Variants in TBC1D16 observed in about 807,000 individuals in gnomAD.
TBC1D16 encodes CTD-2529O21.1.
A neutral mutation model predicts 74.7 loss-of-function variants in TBC1D16; 58 were observed. The observed-to-expected ratio is 0.78, with a 90% CI of 0.63 to 0.97. The LOEUF (loss-of-function observed/expected upper bound fraction) is 0.97. TBC1D16 is among the 50% of genes least tolerant of loss of function. The pLI, the probability that TBC1D16 is intolerant of heterozygous loss-of-function variation, is 0.00. For synonymous variants in TBC1D16, 493 were observed against 474.7 expected, an observed-to-expected ratio of 1.04 and a Z score of -0.50; for missense variants, 1,014 against 1,079.5, an observed-to-expected ratio of 0.94 and a Z score of 0.85.
intron 3 of TBC1D16, among the ~76,000 whole-genome samples, chr17:79,984,199 C>G (rs1437906565): frequency 6.6e-6 from 1 of 152,128 alleles, no homozygotes; most frequent in African/African-American, 2.4e-5. Context: ...TTTTTCAATA[C>G]TTTTTTGTAA....
chr17:79,984,183 A>C (rs990262081), intron 3 of TBC1D16, among the ~76,000 whole-genome samples: 7 of 152,160 alleles, frequency 4.6e-5, no homozygotes, highest in African/African-American at 1.7e-4. Context: ...CAGCACGCCC[A>C]GCCAATTTTT....
At position 79,994,704 on chromosome 17, in the gene TBC1D16, G is replaced by A. The variant is rs1054691191; in HGVS notation, c.779+15456C>T. Among the ~76,000 whole-genome samples, 5 of 152,132 alleles carry A rather than the reference G, an allele frequency of 3.3e-5. No individual in the cohort carries two copies. The highest frequency in any genetic ancestry group is 2.1e-4 in the South Asian group (1 of 4,826). ...ATCCCAAAGTGCTGGGATTACAGGC[G>A]TGAGCCATTGCGCCCGGCCGAGAAT... On this transcript the variant is annotated intron_variant, in intron 3 of 11. Transcript: ENST00000310924. This position sits in a 1 kb window ranked among gnomAD's most constrained non-coding sequence, Gnocchi z 4.6.
At chr17:79,972,187 T>C (rs115818053) in intron 3 of TBC1D16, among the ~76,000 whole-genome samples, 1,580 of 152,202 alleles carry the variant, frequency 0.01, 25 homozygotes, top group African/African-American at 0.036. Context: ...TTTTTTTTTC[T>C]TCCCCCTGAG....
In TBC1D16 at chr17:79,940,291, T is replaced by C. The variant is rs147882119; in HGVS notation, c.*568A>G. The C allele has an allele frequency of 3.1e-4, 48 of 152,392 alleles. No homozygotes were observed. Among genetic ancestry groups the C allele is most frequent in the African/African-American group, 1.1e-3 (46 of 41,578 alleles). The allele number at this position is 152,392 out of a possible 1,614,324, so 9.4% of individuals were successfully genotyped here. A position where few individuals can be genotyped will look rare whatever the true frequency, so the allele number is the denominator to read the frequency against. ...GGCTTTTTATCTTTTGCTTTTCTTT[T>C]ATGGCAGATGCCTTTCCATCGGCAT... On this transcript the variant is annotated 3_prime_UTR_variant, in exon 12 of 12. Coordinates refer to ENST00000310924, the MANE Select transcript of TBC1D16 (RefSeq NM_019020.4). The surrounding 1 kb of genome is among the most constrained non-coding windows in gnomAD (Gnocchi z 5.4).
At chr17:80,011,689 G>A (rs554502289) in intron 2 of TBC1D16, among the ~76,000 whole-genome samples, 5 of 152,288 alleles carry the variant, frequency 3.3e-5, no homozygotes, top group African/African-American at 1.2e-4. Context: ...AGCCGGGCGT[G>A]ATGGTGGGCG....
intron 3 of TBC1D16, among the ~76,000 whole-genome samples, chr17:79,998,965 C>A (rs539794345): frequency 3.3e-5 from 5 of 152,040 alleles, no homozygotes; most frequent in Admixed American, 3.3e-4. Flanking sequence ...CTTAATAAAA[C>A]GTGAATGGGG....
intron 3 of TBC1D16, among the ~76,000 whole-genome samples, chr17:79,967,782 T>C (rs1397486809): frequency 6.6e-6 from 1 of 152,072 alleles, no homozygotes; most frequent in African/African-American, 2.4e-5. Flanking sequence ...GGACCCAGAA[T>C]AGCCAAAACA....
Position 79,933,692 on chromosome 17 carries a change from T to C in TBC1D16, c.*7167A>G, listed in dbSNP as rs71387959. On this transcript the variant is annotated 3_prime_UTR_variant, in exon 12 of 12. Coordinates refer to ENST00000310924, the MANE Select transcript of TBC1D16 (RefSeq NM_019020.4). ...CCACGCAGAAATTGGGGGTTCAAGG[T>C]TTGCCCAGCCGGCCCCAAAGGTGTG... is the stretch of plus-strand genomic sequence containing the variant. 0.13 allele frequency: 19,973 copies of C among 152,132 alleles called. 1,405 individuals are homozygous for C. The highest frequency in any genetic ancestry group is 0.22 in the Middle Eastern group (66 of 294). The allele number at this position is 152,132 out of a possible 1,614,324, so 9.4% of individuals were successfully genotyped here.
intron 3 of TBC1D16, among the ~76,000 whole-genome samples, chr17:80,004,205 G>C (rs75751267): frequency 0.012 from 1,821 of 152,362 alleles, 27 homozygotes; most frequent in East Asian, 0.058. Context: ...CGCAGACCTG[G>C]GTTCTGTCTG....
chr17:80,006,070 C>T (rs541629619), intron 3 of TBC1D16, among the ~76,000 whole-genome samples: 5 of 152,274 alleles, frequency 3.3e-5, no homozygotes, highest in African/African-American at 9.6e-5. Flanking sequence ...CCCCACCGCT[C>T]AGAGTGGCGA....
Position 79,975,384 on chromosome 17 carries a change from C to A in TBC1D16, c.780-22566G>T, listed in dbSNP as rs2034291066. 6.6e-6 allele frequency among the ~76,000 whole-genome samples: 1 copy of A among 152,218 alleles called. No individual in the cohort carries two copies. Among genetic ancestry groups the A allele is most frequent in the African/African-American group, 2.4e-5 (1 of 41,454 alleles). On this transcript the variant is annotated intron_variant, in intron 3 of 11. Coordinates refer to ENST00000310924, the MANE Select transcript of TBC1D16 (RefSeq NM_019020.4). This position sits in a 1 kb window ranked among gnomAD's most constrained non-coding sequence, Gnocchi z 4.5. ...TATTCACACCCTTGGCCCCAGCTGG[C>A]TGTGAGGTTTCCTGGGAACCCTTGC...
rs902710047 is a variant in TBC1D16 at position 79,950,862 on chromosome 17, C to G, written c.1090-284G>C. ...AGCCGCAAAAACGGAATGAATGCCT[C>G]GTTCGGCCTAACTTCCCTCTGCCGG... On this transcript the variant is annotated intron_variant, in intron 5 of 11. Coordinates refer to ENST00000310924, the MANE Select transcript of TBC1D16 (RefSeq NM_019020.4). The surrounding 1 kb of genome is among the most constrained non-coding windows in gnomAD (Gnocchi z 4.6). 1.3e-6 allele frequency: 2 copies of G among 1,519,066 alleles called. No homozygotes were observed. Among genetic ancestry groups the G allele is most frequent in the South Asian group, 1.2e-5 (1 of 82,152 alleles). The allele number at this position is 1,519,066 out of a possible 1,614,324, so 94.1% of individuals were successfully genotyped here.
rs976597632 is a variant in TBC1D16 at position 80,007,093 on chromosome 17, C to G, written c.779+3067G>C. Among the ~76,000 whole-genome samples, 1 of 152,222 alleles carries G rather than the reference C, an allele frequency of 6.6e-6. No individual in the cohort carries two copies. Among genetic ancestry groups the G allele is most frequent in the Non-Finnish European group, 1.5e-5 (1 of 68,042 alleles). On this transcript the variant is annotated intron_variant, in intron 3 of 11. Transcript: ENST00000310924. This position sits in a 1 kb window ranked among gnomAD's most constrained non-coding sequence, Gnocchi z 4.5. Reference sequence around the variant, plus strand: ...GGGAGAGTCCCATCCACATCCACCTCGTCCCAGCACAAAGCTGCAACTCGC... The same window carrying G: ...GGGAGAGTCCCATCCACATCCACCTGGTCCCAGCACAAAGCTGCAACTCGC...
intron 1 of TBC1D16, among the ~76,000 whole-genome samples, chr17:80,026,537 G>A (rs2036588117): frequency 6.7e-6 from 1 of 149,956 alleles, no homozygotes; most frequent in African/African-American, 2.5e-5. Context: ...AGGCGTGGAC[G>A]AGGGTGGAGT....
intron 3 of TBC1D16, among the ~76,000 whole-genome samples, chr17:79,963,011 T>C (rs1402637718): frequency 2.0e-5 from 3 of 150,820 alleles, no homozygotes; most frequent in Non-Finnish European, 3.0e-5. Flanking sequence ...GATCGCGCCA[T>C]TGCACTCCAG....
chr17:79,959,387 T>G (rs6565633), intron 3 of TBC1D16, among the ~76,000 whole-genome samples: 90,820 of 151,894 alleles, frequency 0.6, 27,248 homozygotes, highest in East Asian at 0.77. Context: ...TAGTGAAAAT[T>G]GATAAGTTGA....
chr17:80,032,477 C>T (rs2036808300), intron 1 of TBC1D16, among the ~76,000 whole-genome samples: 3 of 152,092 alleles, frequency 2.0e-5, no homozygotes, highest in South Asian at 2.1e-4. Context: ...ATGTAAGTTC[C>T]GAAGACAGAG....
rs776412190 is a variant in TBC1D16 at position 79,944,157 on chromosome 17, G to A, written c.1908+751C>T. ...ACGCTGACGCAAATGTCTTCCAGCA[G>A]ATGGGTGTTTGCCTCCATCTTCAGG... On this transcript the variant is annotated intron_variant, in intron 10 of 11. Coordinates refer to ENST00000310924, the MANE Select transcript of TBC1D16 (RefSeq NM_019020.4). The surrounding 1 kb of genome is among the most constrained non-coding windows in gnomAD (Gnocchi z 7.7). 5.2e-6 allele frequency: 8 copies of A among 1,535,502 alleles called. No homozygotes were observed. In the Admixed American group the frequency reaches 1.2e-4, roughly 23 times the overall value.
At chr17:79,960,014 T>C (rs2033522254) in intron 3 of TBC1D16, among the ~76,000 whole-genome samples, 1 of 151,956 alleles carries the variant, frequency 6.6e-6, no homozygotes, top group South Asian at 2.1e-4. Context: ...TGAAATACTA[T>C]TGTTACACAA....
Sources: gnomAD v4.1 joint callset for allele counts (sites outside exome capture counted in the v4.1 genomes callset) on GRCh38, gnomAD v4.1.1 for gene constraint, Gnocchi (gnomAD v3.1) non-coding constraint, MANE v1.5 for transcripts, NCBI Gene and HGNC (gene_info 2026-07-23, HGNC 2026-07-21) for gene names.